The following FBXL13 variants were observed in gnomAD, a reference collection of about 807,000 sequenced individuals.
The protein encoded by FBXL13 is F-box and leucine-rich repeat protein 13.
A neutral mutation model predicts 83.6 loss-of-function variants in FBXL13; 67 were observed. That is an observed-to-expected ratio of 0.80 (90% confidence interval 0.66 to 0.98). FBXL13 has a LOEUF of 0.98. Among genes scored for constraint, FBXL13 ranks in the 50% least tolerant of loss-of-function variants. FBXL13 has a pLI of 0.00. For missense variants in FBXL13, 822 were observed against 866.5 expected (o/e 0.95, Z 0.64); for synonymous variants, 272 against 299.5 (o/e 0.91, Z 0.95).
Position 102,912,083 on chromosome 7 carries a change from G to C in FBXL13, c.1008+1003C>G, listed in dbSNP as rs78538392. Among the ~76,000 whole-genome samples the C allele has an allele frequency of 3.7e-3, 567 of 152,272 alleles. 5 individuals carry two copies. The highest frequency in any genetic ancestry group is 0.013 in the African/African-American group (560 of 41,536). On this transcript the variant is annotated intron_variant, in intron 11 of 19. Coordinates refer to ENST00000313221, the Ensembl canonical transcript of FBXL13. Reference sequence around the variant, plus strand: ...GGAACTCTGCCTGCCCCAGTATCTAGCAACAGATGCTTAAAACTGTACTAG... The same window carrying C: ...GGAACTCTGCCTGCCCCAGTATCTACCAACAGATGCTTAAAACTGTACTAG...
intron 1 of FBXL13, among the ~76,000 whole-genome samples, chr7:103,061,175 G>GTT (rs1159174454): frequency 1.4e-5 from 2 of 144,736 alleles, no homozygotes; most frequent in African/African-American, 2.5e-5. Context: ...GACTTGAAGG[G>GTT]TTTTTTTTTT....
chr7:103,046,437 G>C (rs1796286029), intron 2 of FBXL13, among the ~76,000 whole-genome samples: 2 of 152,222 alleles, frequency 1.3e-5, no homozygotes, highest in Admixed American at 1.3e-4. Flanking sequence ...TTCTAGAAGA[G>C]TGAAGGCCTC....
intron 6 of FBXL13, among the ~76,000 whole-genome samples, chr7:102,999,446 T>C (rs1012553165): frequency 6.6e-6 from 1 of 152,200 alleles, no homozygotes. Flanking sequence ...AGTTTGAAAA[T>C]ATTCCCTCCT....
chr7:102,994,440 T>C (rs1454472896), intron 6 of FBXL13, among the ~76,000 whole-genome samples: 1 of 149,930 alleles, frequency 6.7e-6, no homozygotes, highest in Admixed American at 6.7e-5. Context: ...AAAAAAAAGA[T>C]ATAGAGGCTA....
At chr7:102,947,935 C>T (rs1178388081) in intron 8 of FBXL13, among the ~76,000 whole-genome samples, 1 of 152,196 alleles carries the variant, frequency 6.6e-6, no homozygotes, top group Non-Finnish European at 1.5e-5. Flanking sequence ...TTAAGCAGCA[C>T]TGCTTTTTCA....
intron 6 of FBXL13, among the ~76,000 whole-genome samples, chr7:103,017,542 T>A (rs982348847): frequency 1.3e-5 from 2 of 152,158 alleles, no homozygotes; most frequent in Non-Finnish European, 2.9e-5. Context: ...AAAGAGGAAG[T>A]TCGAACCCAT....
intron 6 of FBXL13, among the ~76,000 whole-genome samples, chr7:102,969,158 T>A (rs1471660669): frequency 6.6e-6 from 1 of 152,204 alleles, no homozygotes; most frequent in Non-Finnish European, 1.5e-5. Flanking sequence ...CAGAGCAACT[T>A]CTAGTCCTCC....
downstream of FBXL13, among the ~76,000 whole-genome samples, chr7:102,811,209 A>C (rs1240718966): frequency 6.6e-6 from 1 of 151,954 alleles, no homozygotes; most frequent in East Asian, 1.9e-4. Context: ...AACAGCAGTC[A>C]ACTATATTTA....
chr7:102,971,352 C>G (rs1826626669), intron 6 of FBXL13, among the ~76,000 whole-genome samples: 1 of 152,058 alleles, frequency 6.6e-6, no homozygotes, highest in South Asian at 2.1e-4. Flanking sequence ...AATCCCAGCA[C>G]TTTGGGAGGC....
intron 16 of FBXL13, among the ~76,000 whole-genome samples, chr7:102,860,679 C>CTGTG (rs150779937): frequency 0.026 from 3,879 of 150,636 alleles, 167 homozygotes; most frequent in African/African-American, 0.088. Flanking sequence ...TTGGAATGCT[C>CTGTG]TGTGTGTGTG....
At chr7:103,020,108 TC>T (rs1382548938) in intron 6 of FBXL13, among the ~76,000 whole-genome samples, 4 of 152,234 alleles carry the variant, frequency 2.6e-5, no homozygotes, top group African/African-American at 9.6e-5. Context: ...CAGCAGCATA[TC>T]AAAAAGCTTA....
At chr7:102,916,733 G>C (rs1012437427) in intron 10 of FBXL13, among the ~76,000 whole-genome samples, 1 of 151,282 alleles carries the variant, frequency 6.6e-6, no homozygotes, top group African/African-American at 2.4e-5. Context: ...ATTCTGCTTT[G>C]AGGCAATGTT....
intron 10 of FBXL13, among the ~76,000 whole-genome samples, chr7:102,922,484 G>A (rs1202894305): frequency 6.6e-6 from 1 of 152,114 alleles, no homozygotes; most frequent in Non-Finnish European, 1.5e-5. Context: ...ATAAATGTAT[G>A]TGCATTTACT....
intron 16 of FBXL13, among the ~76,000 whole-genome samples, chr7:102,864,408 G>A (rs925837453): frequency 4.6e-5 from 7 of 151,286 alleles, no homozygotes; most frequent in African/African-American, 1.7e-4. Context: ...TCCTCTTGTC[G>A]CCCAGGCTGG....
At chr7:103,048,334 A>T (rs1796481467) in intron 2 of FBXL13, among the ~76,000 whole-genome samples, 1 of 151,554 alleles carries the variant, frequency 6.6e-6, no homozygotes, top group South Asian at 2.1e-4. Flanking sequence ...AAAGGCAAAA[A>T]CCTTTACTCA....
chr7:102,885,279 C>A lies in FBXL13; in HGVS notation c.1009-967G>T, dbSNP rs77548497. 0.016 allele frequency among the ~76,000 whole-genome samples: 2,394 copies of A among 152,294 alleles called. 115 individuals carry two copies. In the East Asian group the frequency reaches 0.16, roughly 10 times the overall value. On this transcript the variant is annotated intron_variant, in intron 11 of 19. Transcript: ENST00000313221. The stretch of plus-strand genomic sequence containing the variant: ...TAAGTGTTCCAATTTCTCCACATCA[C>A]CAACACTTATTTCCCATTAAAACAA...
intron 11 of FBXL13, among the ~76,000 whole-genome samples, chr7:102,901,202 C>T (rs963598083): frequency 1.3e-5 from 2 of 152,044 alleles, no homozygotes; most frequent in African/African-American, 4.8e-5. Flanking sequence ...TGTGAAAACT[C>T]CAAAATTTTA....
At chr7:103,068,918 G>A (rs533738358) in intron 1 of FBXL13, among the ~76,000 whole-genome samples, 1 of 152,374 alleles carries the variant, frequency 6.6e-6, no homozygotes, top group African/African-American at 2.4e-5. Context: ...AACCTTCAAT[G>A]TACTTGCCAG....
At chr7:102,849,538 T>C (rs377679790) in intron 17 of FBXL13, among the ~76,000 whole-genome samples, 1 of 152,256 alleles carries the variant, frequency 6.6e-6, no homozygotes, top group Non-Finnish European at 1.5e-5. Flanking sequence ...ATCTCTCCTA[T>C]AGTTACCTTA....
Sources: allele counts gnomAD v4.1 joint callset (sites outside exome capture counted in the v4.1 genomes callset), GRCh38; gene constraint gnomAD v4.1.1; transcripts MANE v1.5; gene names NCBI Gene and HGNC (gene_info 2026-07-23, HGNC 2026-07-21).